The following MIB1 variants were observed in gnomAD, a reference collection of about 807,000 sequenced individuals.
The protein encoded by MIB1 is MIB E3 ubiquitin protein ligase 1.
Under a neutral mutation model 124.5 loss-of-function variants are expected in MIB1, and 278 were observed. The ratio of observed to expected loss-of-function variants is 2.23; its 90% CI spans 2.02 to 2.47. The LOEUF is 2.47. Among genes scored for constraint, MIB1 ranks in the 30% most tolerant of loss-of-function variants. The pLI is 0.00. For missense variants in MIB1, 957 were observed against 1,254.4 expected, an observed-to-expected ratio of 0.76 and a Z score of 3.58; for synonymous variants, 446 against 429.4, an observed-to-expected ratio of 1.04 and a Z score of -0.48.
intron 10 of MIB1, among the ~76,000 whole-genome samples, chr18:21,812,215 T>A (rs1225501794): frequency 6.6e-6 from 1 of 151,934 alleles, no homozygotes; most frequent in Non-Finnish European, 1.5e-5. Flanking sequence ...GTCTAGGGAG[T>A]AGCATATGAA....
At chr18:21,829,009 C>A in intron 12 of MIB1, 1 of 476,860 alleles carries the variant, frequency 2.1e-6, no homozygotes, top group South Asian at 1.5e-5. Context: ...TTATTGCCTA[C>A]CAAAAATACA....
chr18:21,788,347 T>C (rs1433902642), intron 6 of MIB1, among the ~76,000 whole-genome samples: 1 of 152,204 alleles, frequency 6.6e-6, no homozygotes, highest in Non-Finnish European at 1.5e-5. Flanking sequence ...TAGGCCTGAT[T>C]GTATTCAAAT....
chr18:21,840,307 A>G (rs1314346363), intron 13 of MIB1, among the ~76,000 whole-genome samples: 6 of 152,144 alleles, frequency 3.9e-5, no homozygotes, highest in Non-Finnish European at 7.3e-5. Flanking sequence ...AGAACCACAC[A>G]TATAGTCAAT....
At chr18:21,782,449 C>G (rs1179153366) in intron 6 of MIB1, among the ~76,000 whole-genome samples, 2 of 152,134 alleles carry the variant, frequency 1.3e-5, no homozygotes, top group African/African-American at 4.8e-5. Flanking sequence ...GTGTTTATTG[C>G]TATAGATATC....
chr18:21,849,231 G>A lies in MIB1; in HGVS notation c.2429G>A (p.Ser810Asn). 1.2e-6 allele frequency: 2 copies of A among 1,600,712 alleles called. No homozygotes were observed. The highest frequency in any genetic ancestry group is 1.7e-6 in the Non-Finnish European group (2 of 1,174,332). Residue 810 changes from serine to asparagine, a missense_variant, in exon 17 of 21, where the codon AGT (serine) becomes AAT (asparagine). Ser to Asn is a conservative substitution (Grantham distance 46). Transcript: ENST00000261537. ...QVGSRSPSMI[S>N]NDSETLEECM... Reference sequence around the variant, plus strand: ...GGTTCTCGGAGTCCTTCTATGATTAGTAATGATTCTGAAACCTTAGAAGAG... The same window carrying A: ...GGTTCTCGGAGTCCTTCTATGATTAATAATGATTCTGAAACCTTAGAAGAG...
intron 1 of MIB1, among the ~76,000 whole-genome samples, chr18:21,719,152 C>T (rs2040702869): frequency 6.7e-6 from 1 of 150,156 alleles, no homozygotes; most frequent in Non-Finnish European, 1.5e-5. Context: ...CATGCCATTG[C>T]ACTGCAACCT....
chr18:21,743,022 C>G (rs536671144), intron 1 of MIB1, among the ~76,000 whole-genome samples: 1 of 152,316 alleles, frequency 6.6e-6, no homozygotes, highest in South Asian at 2.1e-4. Context: ...CCTCAAGCAA[C>G]CCTCCTGTCT....
chr18:21,750,926 G>A (rs544744907), intron 1 of MIB1, among the ~76,000 whole-genome samples: 1 of 152,300 alleles, frequency 6.6e-6, no homozygotes, highest in South Asian at 2.1e-4. Context: ...GCTGGGCACA[G>A]TGGCTGACGC....
At chr18:21,724,727 A>AAAAAAAAAAAAAAAAATAT (rs1350936232) in intron 1 of MIB1, among the ~76,000 whole-genome samples, 1 of 17,372 alleles carries the variant, frequency 5.8e-5, no homozygotes, top group Non-Finnish European at 1.1e-4. Flanking sequence ...AAAAAAAAAA[A>AAAAAAAAAAAAAAAAATAT]ATATATATAT....
chr18:21,837,274 C>T (rs544867504), intron 12 of MIB1, among the ~76,000 whole-genome samples: 155 of 152,222 alleles, frequency 1.0e-3, no homozygotes, highest in African/African-American at 3.3e-3. Flanking sequence ...TTTAGGAGGC[C>T]GAGGCGGGTG....
chr18:21,786,096 G>T (rs954560693), intron 6 of MIB1, among the ~76,000 whole-genome samples: 52 of 150,844 alleles, frequency 3.4e-4, no homozygotes, highest in Non-Finnish European at 7.4e-5. Flanking sequence ...TAGTCTATTT[G>T]TTTTTCTGTT....
chr18:21,766,036 TTC>T, intron 2 of MIB1, 93 bp downstream of exon 2: 1 of 1,219,520 alleles, frequency 8.2e-7, no homozygotes, highest in Non-Finnish European at 1.2e-6. Context: ...AGCAAATAGC[TTC>T]TGACAGTTGG....
At position 21,779,564 on chromosome 18, in the gene MIB1, T is replaced by G; in HGVS notation, c.787T>G (p.Ser263Ala). 1 of 1,614,064 alleles carries G rather than the reference T, an allele frequency of 6.2e-7. No individual in the cohort carries two copies. The highest frequency in any genetic ancestry group is 1.1e-5 in the South Asian group (1 of 91,086). ...NIDLDLEIVQSLQHGHGGWTD... is the reference protein window; with the variant it reads ...NIDLDLEIVQALQHGHGGWTD... ...AGATCTCGACCTCGAAATTGTACAGTCTTTGCAGCATGGTCATGGAGGATG... is the reference window on the plus strand; with the variant it reads ...AGATCTCGACCTCGAAATTGTACAGGCTTTGCAGCATGGTCATGGAGGATG... Residue 263 changes from serine to alanine, a missense_variant, in exon 6 of 21, where the codon TCT becomes GCT. Transcript: ENST00000261537.
At chr18:21,745,710 A>ACACACACACACAC (rs1568183975) in intron 1 of MIB1, among the ~76,000 whole-genome samples, 2 of 146,032 alleles carry the variant, frequency 1.4e-5, no homozygotes, top group Admixed American at 6.8e-5. Flanking sequence ...ACACACACAC[A>ACACACACACACAC]AAATTTTATT....
chr18:21,768,774 A>G, intron 3 of MIB1, 22 bp downstream of exon 3: 2 of 1,596,336 alleles, frequency 1.3e-6, no homozygotes, highest in Non-Finnish European at 1.7e-6. Context: ...CTCTGAATTC[A>G]TTATGTATTC....
Position 21,826,091 on chromosome 18 carries a change from A to T in MIB1, c.1829+6445A>T, listed in dbSNP as rs1287718841. 3.1e-5 allele frequency: 6 copies of T among 194,594 alleles called. No individual in the cohort carries two copies. The East Asian group carries it at 7.2e-4, about 23-fold the overall frequency. 12.1% of individuals were successfully genotyped at this position (194,594 alleles called of 1,614,324 possible). A position where few individuals can be genotyped will look rare whatever the true frequency, so the allele number is the denominator to read the frequency against. On this transcript the variant is annotated intron_variant, in intron 12 of 20. Coordinates refer to ENST00000261537, the MANE Select transcript of MIB1 (RefSeq NM_020774.4). ...CTTTGCTTAATTCTTACATGTAGAC[A>T]ATAAGCTATTTCAAAACCAATAGTA...
chr18:21,826,821 T>C (rs1381255730), intron 12 of MIB1: 1 of 152,148 alleles, frequency 6.6e-6, no homozygotes, highest in African/African-American at 2.4e-5. Flanking sequence ...TCAGGCAGTA[T>C]GCAAATGACT....
At chr18:21,779,737 A>G (rs372238895) in intron 6 of MIB1, 52 bp downstream of exon 6, 1 of 1,451,256 alleles carries the variant, frequency 6.9e-7, no homozygotes, top group Non-Finnish European at 9.7e-7. Flanking sequence ...TAATATAGAG[A>G]AAAGTCTTAG....
At chr18:21,745,787 A>G (rs2040905235) in intron 1 of MIB1, among the ~76,000 whole-genome samples, 1 of 151,688 alleles carries the variant, frequency 6.6e-6, no homozygotes, top group African/African-American at 2.4e-5. Context: ...GCTCACTGCA[A>G]CCTCCGTCCC....
Sources: allele counts gnomAD v4.1 joint callset (sites outside exome capture counted in the v4.1 genomes callset), GRCh38; gene constraint gnomAD v4.1.1; transcripts MANE v1.5; gene names NCBI Gene and HGNC (gene_info 2026-07-23, HGNC 2026-07-21).